The following FIP1L1 variants were observed in gnomAD, a reference collection of about 807,000 sequenced individuals.
FIP1L1 encodes the protein pre-mRNA 3'-end-processing factor FIP1.
In FIP1L1, 21 loss-of-function variants were observed where a neutral mutation model predicts 84.6. The ratio of observed to expected loss-of-function variants is 0.25; its 90% CI spans 0.18 to 0.36. The LOEUF (loss-of-function observed/expected upper bound fraction) is 0.36. FIP1L1 is among the 10% of genes least tolerant of loss of function. FIP1L1 has a pLI of 1.00. For missense variants in FIP1L1, 526 were observed against 751.1 expected, an observed-to-expected ratio of 0.70 and a Z score of 3.50; for synonymous variants, 263 against 242.3, an observed-to-expected ratio of 1.09 and a Z score of -0.80.
intron 9 of FIP1L1, among the ~76,000 whole-genome samples, chr4:53,396,407 C>CT (rs34022098): frequency 2.6e-5 from 4 of 151,466 alleles, no homozygotes; most frequent in African/African-American, 7.3e-5. Context: ...CAATTAGAAT[C>CT]TTTTTTTTTC....
chr4:53,396,198 C>T (rs1021231516), intron 9 of FIP1L1, among the ~76,000 whole-genome samples: 1 of 152,100 alleles, frequency 6.6e-6, no homozygotes, highest in African/African-American at 2.4e-5. Context: ...GGATTACAGG[C>T]GTGAGCCACT....
At chr4:53,384,002 T>C in intron 5 of FIP1L1, 126 bp downstream of exon 5, 1 of 920,558 alleles carries the variant, frequency 1.1e-6, no homozygotes, top group African/African-American at 1.7e-5. Flanking sequence ...TAAAAGAACT[T>C]GTTAAAGTTT....
chr4:53,425,228 T>G (rs1006963243), intron 11 of FIP1L1, among the ~76,000 whole-genome samples: 11 of 152,138 alleles, frequency 7.2e-5, no homozygotes, highest in African/African-American at 2.7e-4. Context: ...TACAACTTAC[T>G]AGGTTTTTCT....
At chr4:53,432,115 G>T (rs1226701393) in intron 13 of FIP1L1, among the ~76,000 whole-genome samples, 1 of 152,048 alleles carries the variant, frequency 6.6e-6, no homozygotes, top group African/African-American at 2.4e-5. Flanking sequence ...CAAATACTGG[G>T]CCAGGCATGG....
In FIP1L1 at chr4:53,390,512, A is replaced by G. The variant is rs765397396; in HGVS notation, c.398-9A>G. ...TATAGCTCCTTCATTTTGTAATTTT[A>G]TAAAACAGGGACAAAAGTCAAAGGA... On this transcript the variant is annotated splice_polypyrimidine_tract_variant and intron_variant, in intron 6 of 17. Coordinates refer to ENST00000337488, the MANE Select transcript of FIP1L1 (RefSeq NM_030917.4). 2.5e-6 allele frequency: 4 copies of G among 1,585,772 alleles called. No homozygotes were observed. In the South Asian group the frequency reaches 4.5e-5, roughly 18 times the overall value.
At chr4:53,381,231 A>G (rs1365153913) in intron 3 of FIP1L1, among the ~76,000 whole-genome samples, 1 of 152,216 alleles carries the variant, frequency 6.6e-6, no homozygotes, top group East Asian at 1.9e-4. Flanking sequence ...GAAGAAAGGT[A>G]CTCTGCCAGA....
chr4:53,430,175 T>G (rs1765947433), intron 13 of FIP1L1, among the ~76,000 whole-genome samples: 1 of 152,144 alleles, frequency 6.6e-6, no homozygotes, highest in South Asian at 2.1e-4. Flanking sequence ...TGTTCAGTAC[T>G]AATTATTAAA....
chr4:53,386,053 T>G (rs114706724), intron 5 of FIP1L1, among the ~76,000 whole-genome samples: 3,390 of 151,328 alleles, frequency 0.022, 53 homozygotes, highest in Admixed American at 0.033. Flanking sequence ...TTTTTTTTTT[T>G]GCGTAACATA....
rs1721474723 is a variant in FIP1L1, at chr4:53,459,846, C to A, written c.*397C>A. On this transcript the variant is annotated 3_prime_UTR_variant, in exon 18 of 18. Coordinates refer to ENST00000337488, the MANE Select transcript of FIP1L1 (RefSeq NM_030917.4). ...CATCACAAAAGGCAACAAAGGGCCC[C>A]TCTAAGGCTTGAGATTAAAACTAGT... The A allele has an allele frequency of 1.2e-5, 3 of 251,002 alleles. No homozygotes were observed. The highest frequency in any genetic ancestry group is 2.3e-5 in the Non-Finnish European group (3 of 129,562). 15.5% of individuals were successfully genotyped at this position (251,002 alleles called of 1,614,324 possible). A position where few individuals can be genotyped will look rare whatever the true frequency, so the allele number is the denominator to read the frequency against.
intron 11 of FIP1L1, among the ~76,000 whole-genome samples, chr4:53,418,563 A>C (rs564078078): frequency 1.3e-3 from 199 of 152,336 alleles, no homozygotes; most frequent in Non-Finnish European, 1.9e-3. Context: ...TGAGTGCAGG[A>C]AATTGAAACT....
intron 16 of FIP1L1, 69 bp downstream of exon 16, chr4:53,453,202 G>A: frequency 6.4e-7 from 1 of 1,570,668 alleles, no homozygotes; most frequent in Non-Finnish European, 8.7e-7. Flanking sequence ...TTCGTTATGA[G>A]GAAGTGAATT....
rs917144572 is a variant in FIP1L1 at position 53,428,613 on chromosome 4, G to A, written c.1174+430G>A. Among the ~76,000 whole-genome samples the A allele has an allele frequency of 5.3e-5, 8 of 152,178 alleles. No individual in the cohort carries two copies. In the East Asian group the frequency reaches 7.7e-4, roughly 15 times the overall value. ...CAGTCTGGTCTTCTTCTGTATACCG[G>A]TTTCCTTTTAGGAGACTGCTACTGG... On this transcript the variant is annotated intron_variant, in intron 13 of 17. Transcript: ENST00000337488.
Position 53,381,753 on chromosome 4 carries a change from C to CTTTTTTTTTTTTTTTTT in FIP1L1, c.171-517_171-501dup, listed in dbSNP as rs531488760. The stretch of plus-strand genomic sequence containing the variant: ...AATAAACTGTGAAGGCATTTGCATT[C>CTTTTTTTTTTTTTTTTT]TTTTTTTTTTTTTTTTTTTTTTTTG... On this transcript the variant is annotated intron_variant, in intron 3 of 17. Coordinates refer to ENST00000337488, the MANE Select transcript of FIP1L1 (RefSeq NM_030917.4). 5.8e-3 allele frequency among the ~76,000 whole-genome samples: 506 copies of CTTTTTTTTTTTTTTTTT among 87,846 alleles called. 83 individuals are homozygous for CTTTTTTTTTTTTTTTTT. Among genetic ancestry groups the CTTTTTTTTTTTTTTTTT allele is most frequent in the African/African-American group, 8.9e-3 (161 of 18,026 alleles). 57.6% of individuals were successfully genotyped at this position (87,846 alleles called of 152,430 possible).
chr4:53,433,893 T>A (rs1334227505), intron 13 of FIP1L1, among the ~76,000 whole-genome samples: 4 of 152,134 alleles, frequency 2.6e-5, no homozygotes, highest in African/African-American at 2.4e-5. Context: ...AACTTTAAAA[T>A]CTTATTTATT....
intron 10 of FIP1L1, among the ~76,000 whole-genome samples, chr4:53,402,283 A>T (rs1750660995): frequency 1.3e-5 from 2 of 152,180 alleles, no homozygotes; most frequent in Admixed American, 1.3e-4. Context: ...GAGGAAAAGA[A>T]TTAGAAAGAG....
At chr4:53,440,971 TTTATCA>T (rs1013731586) in intron 13 of FIP1L1, 2 of 171,426 alleles carry the variant, frequency 1.2e-5, no homozygotes, top group African/African-American at 4.8e-5. Flanking sequence ...TTATTTTGTC[TTTATCA>T]TTATTTCCGA....
At chr4:53,395,679 T>G (rs1321216385) in intron 9 of FIP1L1, among the ~76,000 whole-genome samples, 4 of 152,184 alleles carry the variant, frequency 2.6e-5, no homozygotes, top group Admixed American at 2.6e-4. Flanking sequence ...ATTGAGTACT[T>G]ATTGCATGCC....
At chr4:53,407,521 T>G (rs1754327214) in intron 10 of FIP1L1, among the ~76,000 whole-genome samples, 1 of 152,128 alleles carries the variant, frequency 6.6e-6, no homozygotes. Context: ...AGATGTCTAT[T>G]AGGTCTGCTT....
At chr4:53,436,308 A>G (rs1769171176) in intron 13 of FIP1L1, among the ~76,000 whole-genome samples, 1 of 152,230 alleles carries the variant, frequency 6.6e-6, no homozygotes, top group African/African-American at 2.4e-5. Context: ...AGTCTTCTCC[A>G]AAAGCCTGAC....
Sources: gnomAD v4.1 joint callset for allele counts (sites outside exome capture counted in the v4.1 genomes callset) on GRCh38, gnomAD v4.1.1 for gene constraint, MANE v1.5 for transcripts, NCBI Gene and HGNC (gene_info 2026-07-23, HGNC 2026-07-21) for gene names.